The following STXBP5L variants were observed in gnomAD, a reference collection of about 807,000 sequenced individuals.
STXBP5L encodes syntaxin binding protein 5L.
Under a neutral mutation model 144.5 loss-of-function variants are expected in STXBP5L, and 65 were observed. That is an observed-to-expected ratio of 0.45 (90% CI 0.37 to 0.55). The LOEUF (loss-of-function observed/expected upper bound fraction) is 0.55. Among genes scored for constraint, STXBP5L ranks in the 20% least tolerant of loss-of-function variants. STXBP5L has a pLI of 0.00. For synonymous variants in STXBP5L, 505 were observed against 469.6 expected (o/e 1.08, Z -0.97); for missense variants, 1,298 against 1,405.5 (o/e 0.92, Z 1.22).
At chr3:121,024,277 A>G (rs1041270376) in intron 3 of STXBP5L, among the ~76,000 whole-genome samples, 1 of 152,192 alleles carries the variant, frequency 6.6e-6, no homozygotes, top group Non-Finnish European at 1.5e-5. Context: ...GATATCACCA[A>G]AGAGGCTATA....
chr3:121,294,591 G>A (rs1577384370), intron 19 of STXBP5L, among the ~76,000 whole-genome samples: 1 of 151,718 alleles, frequency 6.6e-6, no homozygotes, highest in East Asian at 1.9e-4. Context: ...TAGAAGAAGG[G>A]TGGGGGAAGG....
intron 7 of STXBP5L, among the ~76,000 whole-genome samples, chr3:121,128,518 G>A (rs1433608636): frequency 6.6e-6 from 1 of 152,094 alleles, no homozygotes; most frequent in African/African-American, 2.4e-5. Flanking sequence ...GGTAGTGGTT[G>A]TCCCTTTTAA....
At chr3:121,031,865 C>A (rs563509500) in intron 3 of STXBP5L, among the ~76,000 whole-genome samples, 1 of 152,048 alleles carries the variant, frequency 6.6e-6, no homozygotes, top group South Asian at 2.1e-4. Context: ...ACATAATATG[C>A]TGAATTTGGA....
chr3:120,940,056 T>A (rs1299068917), intron 2 of STXBP5L, among the ~76,000 whole-genome samples: 1 of 152,142 alleles, frequency 6.6e-6, no homozygotes, highest in African/African-American at 2.4e-5. Context: ...AAAGTGGTTT[T>A]TATTTTACCC....
At chr3:121,386,920 A>G (rs562571718) in intron 22 of STXBP5L, among the ~76,000 whole-genome samples, 38 of 152,310 alleles carry the variant, frequency 2.5e-4, no homozygotes, top group African/African-American at 9.1e-4. Flanking sequence ...GTATATACCC[A>G]GTAATGGGAT....
intron 20 of STXBP5L, among the ~76,000 whole-genome samples, chr3:121,321,318 A>G (rs1390698290): frequency 6.6e-6 from 1 of 152,226 alleles, no homozygotes; most frequent in Non-Finnish European, 1.5e-5. Context: ...CTTCTGGGAA[A>G]AGTGCGAATG....
chr3:121,273,302 T>A (rs1448754263), intron 18 of STXBP5L, among the ~76,000 whole-genome samples: 1 of 152,012 alleles, frequency 6.6e-6, no homozygotes, highest in Non-Finnish European at 1.5e-5. Context: ...GATGGCAGTT[T>A]TTTTTTTTTC....
intron 9 of STXBP5L, among the ~76,000 whole-genome samples, chr3:121,167,146 A>G (rs936007636): frequency 1.3e-5 from 2 of 152,156 alleles, no homozygotes; most frequent in Non-Finnish European, 2.9e-5. Flanking sequence ...TCCAGAAACA[A>G]AAGAAAATTA....
chr3:121,352,816 G>T (rs556178153), intron 20 of STXBP5L, among the ~76,000 whole-genome samples: 1 of 152,088 alleles, frequency 6.6e-6, no homozygotes, highest in Non-Finnish European at 1.5e-5. Flanking sequence ...TTGGGTGTGG[G>T]TTTGTCATAA....
intron 21 of STXBP5L, among the ~76,000 whole-genome samples, chr3:121,379,406 G>C (rs552542622): frequency 6.6e-6 from 1 of 152,142 alleles, no homozygotes; most frequent in South Asian, 2.1e-4. Flanking sequence ...TAAATTACAA[G>C]AGCCAGAGAC....
intron 23 of STXBP5L, 160 bp downstream of exon 23, chr3:121,407,763 G>A (rs2047028037): frequency 9.6e-7 from 1 of 1,047,108 alleles, no homozygotes; most frequent in Non-Finnish European, 1.3e-6. Flanking sequence ...TTTGATGAGA[G>A]TTTGGGGGTT....
intron 3 of STXBP5L, among the ~76,000 whole-genome samples, chr3:120,996,907 G>T (rs919844891): frequency 2.6e-5 from 4 of 152,104 alleles, no homozygotes; most frequent in African/African-American, 9.7e-5. Flanking sequence ...CATCACTCAG[G>T]TAATGAGCAT....
chr3:121,239,476 T>C (rs528552789), intron 13 of STXBP5L, among the ~76,000 whole-genome samples: 2 of 151,016 alleles, frequency 1.3e-5, no homozygotes, highest in Non-Finnish European at 2.9e-5. Context: ...CCAACAATGA[T>C]AGATTGGATT....
intron 5 of STXBP5L, among the ~76,000 whole-genome samples, chr3:121,048,691 T>G (rs1947700873): frequency 6.6e-6 from 1 of 150,660 alleles, no homozygotes; most frequent in Non-Finnish European, 1.5e-5. Flanking sequence ...TTAGAGTCTT[T>G]TTTTTTTTTT....
chr3:121,093,509 A>T (rs1280252159), intron 5 of STXBP5L, among the ~76,000 whole-genome samples: 1 of 152,098 alleles, frequency 6.6e-6, no homozygotes, highest in Non-Finnish European at 1.5e-5. Flanking sequence ...GGGAGGGTAT[A>T]TGTGTCGAGG....
chr3:121,033,518 A>G (rs923137118), intron 3 of STXBP5L, among the ~76,000 whole-genome samples: 1 of 145,846 alleles, frequency 6.9e-6, no homozygotes, highest in East Asian at 2.0e-4. Context: ...ACATGTATAC[A>G]TATGTAACTA....
At chr3:120,948,160 G>A (rs1467834007) in intron 2 of STXBP5L, among the ~76,000 whole-genome samples, 1 of 151,564 alleles carries the variant, frequency 6.6e-6, no homozygotes, top group African/African-American at 2.4e-5. Context: ...GTGCACAGTT[G>A]TATCTTGTTG....
intron 20 of STXBP5L, among the ~76,000 whole-genome samples, chr3:121,341,390 A>G (rs1222307108): frequency 2.0e-5 from 3 of 152,252 alleles, no homozygotes; most frequent in Middle Eastern, 3.4e-3. Context: ...AAATGCTGAC[A>G]AGGATGTGTA....
At chr3:121,360,409 G>A (rs2045676096) in intron 20 of STXBP5L, among the ~76,000 whole-genome samples, 1 of 151,508 alleles carries the variant, frequency 6.6e-6, no homozygotes. Context: ...AGTAATTCTT[G>A]GTAAGTAAGG....
Sources: gnomAD v4.1 joint callset for allele counts (sites outside exome capture counted in the v4.1 genomes callset) on GRCh38, gnomAD v4.1.1 for gene constraint, MANE v1.5 for transcripts, NCBI Gene and HGNC (gene_info 2026-07-23, HGNC 2026-07-21) for gene names.